Variants in TASOR observed in about 807,000 individuals in gnomAD.
The protein encoded by TASOR is protein TASOR.
TASOR carries 53 observed loss-of-function variants against 178.6 expected under a neutral mutation model. The observed-to-expected ratio is 0.30, with a 90% CI of 0.24 to 0.37. The LOEUF is 0.37. Ranked by LOEUF, TASOR falls within the 10% of genes least tolerant of loss-of-function variation. The probability of loss-of-function intolerance (pLI) is 1.00; values close to 1 mark genes in which losing one functional copy is unlikely to be tolerated. For missense variants in TASOR, 1,815 were observed against 1,971.4 expected (o/e 0.92, Z 1.50); for synonymous variants, 713 against 696.2 (o/e 1.02, Z -0.38).
intron 11 of TASOR, among the ~76,000 whole-genome samples, chr3:56,655,432 T>C (rs1168574888): frequency 6.6e-6 from 1 of 152,142 alleles, no homozygotes; most frequent in African/African-American, 2.4e-5. Flanking sequence ...GTTTAACTTT[T>C]AAATTAGGCA....
chr3:56,646,529 C>A lies in TASOR; in HGVS notation c.2208G>T (p.Leu736=). Residue 736 remains leucine (L), a synonymous_variant, in exon 14 of 24, where the codon CTG becomes CTT. Transcript: ENST00000683822. The part of the protein sequence containing the change: ...KTSNLSENCH[L]YEESPQPIGS... ...AGCAATCTGATATTTTACCTTCATA[C>A]AGATGGCAATTTTCAGATAAATTAC... 6.2e-7 allele frequency: 1 copy of A among 1,600,442 alleles called. No homozygotes were observed. The highest frequency in any genetic ancestry group is 1.1e-5 in the South Asian group (1 of 88,056).
Position 56,627,727 on chromosome 3 carries a change from C to T in TASOR, c.3885G>A (p.Val1295=), listed in dbSNP as rs772144733. The change falls in exon 20 of 24, where the codon GTG becomes GTA. Residue 1295 remains valine (V), a synonymous_variant. Transcript: ENST00000683822. ...TAACACAGGGGAGCTTCTTTAAAGT[C>T]ACCAAGCCAGGTATCTGTTTAAATC... ...AGFIHKIPGL[V]TLKKLPCVSF... 6.2e-7 allele frequency: 1 copy of T among 1,613,566 alleles called. No homozygotes were observed. Among genetic ancestry groups the T allele is most frequent in the Non-Finnish European group, 8.5e-7 (1 of 1,179,876 alleles).
Position 56,681,886 on chromosome 3 carries a change from G to A in TASOR, c.331+790C>T, listed in dbSNP as rs981808682. Among the ~76,000 whole-genome samples, 13 of 152,016 alleles carry A rather than the reference G, an allele frequency of 8.6e-5. No homozygotes were observed. In the South Asian group the frequency reaches 1.7e-3, roughly 19 times the overall value. On this transcript the variant is annotated intron_variant, in intron 1 of 23. Coordinates refer to ENST00000683822, the MANE Select transcript of TASOR (RefSeq NM_001365635.2). ...ATATGGGTTCCAAAAACTAAGACTGGACTTTTTTTTAACCTGAAGTTCTAC... is the reference window on the plus strand; with the variant it reads ...ATATGGGTTCCAAAAACTAAGACTGAACTTTTTTTTAACCTGAAGTTCTAC...
In TASOR at chr3:56,683,238, G is replaced by C. The variant is rs1033331195; in HGVS notation, c.-232C>G. 4 of 442,120 alleles carry C rather than the reference G, an allele frequency of 9.0e-6. No individual in the cohort carries two copies. The highest frequency in any genetic ancestry group is 8.1e-5 in the Admixed American group (2 of 24,606). 27.4% of individuals were successfully genotyped at this position (442,120 alleles called of 1,614,324 possible). A position where few individuals can be genotyped will look rare whatever the true frequency, so the allele number is the denominator to read the frequency against. On this transcript the variant is annotated 5_prime_UTR_variant, in exon 1 of 24. Coordinates refer to ENST00000683822, the MANE Select transcript of TASOR (RefSeq NM_001365635.2). ...CGCTCCTCCCTCGGGCAGTTCTTCT[G>C]CCTTCCCCCGCCACTCAACGTGCGC...
intron 11 of TASOR, among the ~76,000 whole-genome samples, chr3:56,656,065 T>G (rs2077461970): frequency 6.6e-6 from 1 of 152,058 alleles, no homozygotes; most frequent in African/African-American, 2.4e-5. Context: ...CACAGGTAAC[T>G]GAAACTACAG....
intron 2 of TASOR, among the ~76,000 whole-genome samples, chr3:56,672,201 C>G (rs749401643): frequency 6.6e-6 from 1 of 152,120 alleles, no homozygotes; most frequent in Non-Finnish European, 1.5e-5. Flanking sequence ...ATAAGTTATC[C>G]TAAACCACTG....
chr3:56,631,830 G>A lies in TASOR; in HGVS notation c.3747+1214C>T, dbSNP rs145743543. 8.2e-3 allele frequency among the ~76,000 whole-genome samples: 1,249 copies of A among 152,144 alleles called. 11 individuals are homozygous for A. Among genetic ancestry groups the A allele is most frequent in the Middle Eastern group, 0.017 (5 of 294 alleles). The stretch of plus-strand genomic sequence containing the variant: ...AATCTCCTGAACTCGTGATCCACCC[G>A]TCTTGGCCTCCCAAAGTGCTGGGAT... On this transcript the variant is annotated intron_variant, in intron 18 of 23. Coordinates refer to ENST00000683822, the MANE Select transcript of TASOR (RefSeq NM_001365635.2).
rs2076719282 is a variant in TASOR at position 56,622,944 on chromosome 3, GAGAA to G, written c.*89_*92del. 2.5e-6 allele frequency: 2 copies of G among 810,104 alleles called. No individual in the cohort carries two copies. Among genetic ancestry groups the G allele is most frequent in the East Asian group, 2.9e-5 (1 of 35,052 alleles). The allele number at this position is 810,104 out of a possible 1,614,324, so 50.2% of individuals were successfully genotyped here. A position where few individuals can be genotyped will look rare whatever the true frequency, so the allele number is the denominator to read the frequency against. ...GATTTAAATAAAAGAAAAAACATTTGAGAAAGAACAAGAACCTTTTGTTTAGAGA... is the reference window on the plus strand; with the variant it reads ...GATTTAAATAAAAGAAAAAACATTTGAGAACAAGAACCTTTTGTTTAGAGA... On this transcript the variant is annotated 3_prime_UTR_variant, in exon 24 of 24. Coordinates refer to ENST00000683822, the MANE Select transcript of TASOR (RefSeq NM_001365635.2).
At chr3:56,626,242 C>T (rs1005284505) in intron 21 of TASOR, among the ~76,000 whole-genome samples, 1 of 152,198 alleles carries the variant, frequency 6.6e-6, no homozygotes, top group African/African-American at 2.4e-5. Flanking sequence ...TCTCAATTGA[C>T]TAGTGTTCCA....
intron 15 of TASOR, among the ~76,000 whole-genome samples, 166 bp from the exon 16 acceptor site, chr3:56,640,296 C>A (rs986824845): frequency 7.9e-5 from 12 of 152,152 alleles, no homozygotes; most frequent in African/African-American, 2.9e-4. Context: ...AACATCTTTT[C>A]CCTCGAAACA....
At chr3:56,626,868 A>ACTG (rs559485147) in intron 21 of TASOR, among the ~76,000 whole-genome samples, 169 bp downstream of exon 21, 207 of 144,166 alleles carry the variant, frequency 1.4e-3, no homozygotes, top group Admixed American at 3.3e-3. Flanking sequence ...ACTGAAAAAT[A>ACTG]CTGCTTCTTA....
At chr3:56,660,140 C>T (rs1381632400) in intron 11 of TASOR, among the ~76,000 whole-genome samples, 2 of 151,884 alleles carry the variant, frequency 1.3e-5, no homozygotes, top group South Asian at 2.1e-4. Context: ...GGATTACAGG[C>T]GTGAGCCACC....
intron 1 of TASOR, among the ~76,000 whole-genome samples, chr3:56,674,574 T>A (rs576526268): frequency 6.6e-6 from 1 of 152,102 alleles, no homozygotes; most frequent in Admixed American, 6.5e-5. Context: ...CAAAAAGTAG[T>A]AGAACATTTA....
intron 7 of TASOR, chr3:56,664,412 T>C (rs889019228): frequency 6.6e-6 from 1 of 152,186 alleles, no homozygotes; most frequent in African/African-American, 2.4e-5. Context: ...AGTGAAAGTA[T>C]GTATCACAGT....
chr3:56,633,988 T>C, intron 17 of TASOR, 22 bp from the exon 18 acceptor site: 1 of 1,482,590 alleles, frequency 6.7e-7, no homozygotes, highest in South Asian at 1.4e-5. Flanking sequence ...GAGTTCATTA[T>C]TATAAGAGCA....
At chr3:56,663,086 G>A (rs1168022867) in intron 8 of TASOR, among the ~76,000 whole-genome samples, 1 of 152,102 alleles carries the variant, frequency 6.6e-6, no homozygotes, top group Non-Finnish European at 1.5e-5. Context: ...AGAAGGCTGA[G>A]GCTGGAGAAT....
chr3:56,653,129 G>A (rs1000285302), intron 11 of TASOR, among the ~76,000 whole-genome samples: 13 of 151,768 alleles, frequency 8.6e-5, no homozygotes, highest in Admixed American at 3.9e-4. Flanking sequence ...CAGGTGTGGT[G>A]GCACACACCT....
At chr3:56,636,302 A>AC (rs72573621) in intron 17 of TASOR, among the ~76,000 whole-genome samples, 3 of 151,836 alleles carry the variant, frequency 2.0e-5, no homozygotes, top group African/African-American at 7.3e-5. Flanking sequence ...AGAAAAAAAA[A>AC]ACAAAACTTA....
chr3:56,673,661 A>C lies in TASOR; in HGVS notation c.396T>G (p.Ser132=). 1 of 1,551,230 alleles carries C rather than the reference A, an allele frequency of 6.4e-7. No homozygotes were observed. Among genetic ancestry groups the C allele is most frequent in the Admixed American group, 2.0e-5 (1 of 50,952 alleles). The part of the protein sequence containing the change: ...EFEDVVNILH[S]SYLEPTSVTN... ...TTACTGAGGTTGGTTCAAGGTAAGA[A>C]GAATGGAGAATATTTACAACATCTT... The change falls in exon 2 of 24, where the codon TCT becomes TCG. Residue 132 remains serine, a synonymous_variant. Transcript: ENST00000683822.
Sources: allele counts gnomAD v4.1 joint callset (sites outside exome capture counted in the v4.1 genomes callset), GRCh38; gene constraint gnomAD v4.1.1; transcripts MANE v1.5; gene names NCBI Gene and HGNC (gene_info 2026-07-23, HGNC 2026-07-21).